HYDIN: variants seen among roughly 807,000 people sequenced by gnomAD.
HYDIN encodes the protein HYDIN axonemal central pair apparatus protein, also known as axonemal central pair apparatus protein HYDIN.
Under a neutral mutation model 403.9 loss-of-function variants are expected in HYDIN, and 132 were observed. The ratio of observed to expected loss-of-function variants is 0.33; its 90% CI spans 0.28 to 0.38. The LOEUF (loss-of-function observed/expected upper bound fraction) is 0.38. Among genes scored for constraint, HYDIN ranks in the 10% least tolerant of loss-of-function variants. HYDIN has a pLI of 1.00. For synonymous variants in HYDIN, 1,202 were observed against 1,891.7 expected (o/e 0.64, Z 9.46); for missense variants, 2,827 against 5,009.5 (o/e 0.56, Z 13.15).
intron 1 of HYDIN, among the ~76,000 whole-genome samples, chr16:71,200,505 T>A (rs1312179926): frequency 9.2e-5 from 14 of 152,186 alleles, no homozygotes; most frequent in Admixed American, 9.2e-4. Flanking sequence ...ACAGCTGAAG[T>A]CTTGCCATCT....
intron 23 of HYDIN, among the ~76,000 whole-genome samples, chr16:71,008,270 G>A (rs2079955043): frequency 6.6e-6 from 1 of 151,926 alleles, no homozygotes; most frequent in South Asian, 2.1e-4. Context: ...ATCTGCACAT[G>A]TATCCCCTGA....
chr16:70,957,379 T>G (rs1597411460), intron 39 of HYDIN, among the ~76,000 whole-genome samples: 1 of 148,000 alleles, frequency 6.8e-6, no homozygotes, highest in Non-Finnish European at 1.5e-5. Flanking sequence ...CAGGCTGGAG[T>G]GCAATGGCAC....
chr16:70,984,291 C>T (rs1803376351), intron 28 of HYDIN, among the ~76,000 whole-genome samples: 2 of 149,792 alleles, frequency 1.3e-5, no homozygotes. Context: ...ATGTGGGAGG[C>T]TAAGGTGGGA....
At chr16:70,922,008 C>G (rs2077010092) in intron 45 of HYDIN, among the ~76,000 whole-genome samples, 1 of 152,192 alleles carries the variant, frequency 6.6e-6, no homozygotes. Context: ...TGATATTATG[C>G]AAAGTCCATT....
intron 71 of HYDIN, among the ~76,000 whole-genome samples, chr16:70,859,201 T>C (rs911670421): frequency 2.0e-5 from 3 of 152,020 alleles, no homozygotes; most frequent in African/African-American, 4.8e-5. Context: ...CTCGGAAGGC[T>C]GAGTCAGGAG....
At chr16:71,061,510 G>A (rs184404459) in intron 17 of HYDIN, among the ~76,000 whole-genome samples, 1 of 152,032 alleles carries the variant, frequency 6.6e-6, no homozygotes, top group South Asian at 2.1e-4. Flanking sequence ...CTTCAACTCA[G>A]CCTAAGCAGT....
chr16:70,883,901 C>A lies in HYDIN; in HGVS notation c.9979+19G>T, dbSNP rs764382833. On this transcript the variant is annotated intron_variant, in intron 59 of 85. Coordinates refer to ENST00000393567, the MANE Select transcript of HYDIN (RefSeq NM_001270974.2). ...TGAACACCTTTTAAGTGGTGCTGTC[C>A]AATGTGAGTGGTCAGTACCTGGTAG... is the stretch of plus-strand genomic sequence containing the variant. 1.5e-5 allele frequency: 24 copies of A among 1,609,838 alleles called. No individual in the cohort carries two copies. The East Asian group carries it at 5.1e-4, about 34-fold the overall frequency.
intron 1 of HYDIN, 136 bp downstream of exon 1, chr16:71,230,426 G>A (rs2041228932): frequency 1.9e-6 from 2 of 1,041,636 alleles, no homozygotes; most frequent in Admixed American, 6.1e-5. Context: ...AGGGAAGGCT[G>A]AGGAGGGGAG....
Position 71,064,836 on chromosome 16 carries a change from C to T in HYDIN, c.2080G>A (p.Val694Ile). 6.2e-7 allele frequency: 1 copy of T among 1,607,024 alleles called. No homozygotes were observed. Among genetic ancestry groups the T allele is most frequent in the African/African-American group, 1.3e-5 (1 of 74,738 alleles). Residue 694 changes from valine to isoleucine, a missense_variant, in exon 16 of 86, where the codon GTT becomes ATT. Val to Ile is a conservative substitution (Grantham distance 29). Coordinates refer to ENST00000393567, the MANE Select transcript of HYDIN (RefSeq NM_001270974.2). ...VLALLITARC[V>I]VPALHLVNTE... ...TTGACCAGGTGGAGGGCAGGTACAA[C>T]ACACCTGCTCGGAGGAGCCCATCAC...
rs767868359 is a variant in HYDIN, at chr16:70,872,152, C to T, written c.10976G>A (p.Gly3659Glu). 3 of 1,513,790 alleles carry T rather than the reference C, an allele frequency of 2.0e-6. No homozygotes were observed. Among genetic ancestry groups the T allele is most frequent in the Middle Eastern group, 1.8e-4 (1 of 5,410 alleles). 93.8% of individuals were successfully genotyped at this position (1,513,790 alleles called of 1,614,324 possible). Residue 3659 changes from glycine (G) to glutamate (E), a missense_variant, in exon 65 of 86, where the codon GGG (glycine) becomes GAG (glutamate). Transcript: ENST00000393567. ...AAALVDHIQF[G>E]DCHIGHSYNA... ...ATAGCTGTGTCCAATGTGGCAGTCC[C>T]CAAATTGGATGTGGTCCACCAGAGC...
intron 11 of HYDIN, among the ~76,000 whole-genome samples, chr16:71,089,448 C>G (rs2083039966): frequency 6.6e-6 from 1 of 151,866 alleles, no homozygotes; most frequent in Non-Finnish European, 1.5e-5. Flanking sequence ...CCTCAACCTA[C>G]ACATAAGGCT....
At chr16:71,203,947 C>A (rs2088160225) in intron 1 of HYDIN, 1 of 368,274 alleles carries the variant, frequency 2.7e-6, no homozygotes. Context: ...CACCTTTAGT[C>A]CCGGCTACTT....
At chr16:71,222,683 C>T (rs1304192336) in intron 1 of HYDIN, among the ~76,000 whole-genome samples, 1 of 151,998 alleles carries the variant, frequency 6.6e-6, no homozygotes, top group African/African-American at 2.4e-5. Flanking sequence ...TGCTCTACAC[C>T]AACAACAACC....
chr16:70,816,163 C>T (rs1003505931), intron 84 of HYDIN, among the ~76,000 whole-genome samples: 1 of 152,088 alleles, frequency 6.6e-6, no homozygotes, highest in African/African-American at 2.4e-5. Context: ...GGATAAACAA[C>T]AACAACAACA....
intron 83 of HYDIN, among the ~76,000 whole-genome samples, chr16:70,822,733 C>G (rs1351138797): frequency 6.6e-6 from 1 of 152,158 alleles, no homozygotes; most frequent in South Asian, 2.1e-4. Flanking sequence ...CCATCAACAT[C>G]GAGGCAAGAC....
intron 7 of HYDIN, among the ~76,000 whole-genome samples, chr16:71,143,437 T>C (rs1012679442): frequency 3.9e-5 from 6 of 152,196 alleles, no homozygotes; most frequent in Admixed American, 6.5e-5. Flanking sequence ...AGAAACCTTA[T>C]CTCACTTCCC....
chr16:70,834,008 C>T lies in HYDIN; in HGVS notation c.13558G>A (p.Gly4520Ser), dbSNP rs200437208. The T allele has an allele frequency of 1.1e-5, 18 of 1,606,790 alleles. No homozygotes were observed. Among genetic ancestry groups the T allele is most frequent in the Non-Finnish European group, 1.4e-5 (17 of 1,174,708 alleles). ...GAGATCTCCAGGGCCTGGCAGCAGCCGCTAAGGAGGAAGAGGGGGCGCAGG... is the reference window on the plus strand; with the variant it reads ...GAGATCTCCAGGGCCTGGCAGCAGCTGCTAAGGAGGAAGAGGGGGCGCAGG... Reference protein sequence around the residue: ...GLLRPLFLLSGCCQALEISLD... With the variant: ...GLLRPLFLLSSCCQALEISLD... Residue 4520 changes from glycine (G) to serine (S), a missense_variant, in exon 79 of 86, where the codon GGC becomes AGC. Coordinates refer to ENST00000393567, the MANE Select transcript of HYDIN (RefSeq NM_001270974.2).
chr16:71,059,034 C>T (rs557189133), intron 18 of HYDIN, among the ~76,000 whole-genome samples: 21 of 152,144 alleles, frequency 1.4e-4, no homozygotes, highest in African/African-American at 4.6e-4. Context: ...AGAAAATATG[C>T]GTTAATCGAC....
At chr16:70,951,132 G>A (rs2078054025) in intron 41 of HYDIN, among the ~76,000 whole-genome samples, 1 of 152,072 alleles carries the variant, frequency 6.6e-6, no homozygotes, top group Non-Finnish European at 1.5e-5. Flanking sequence ...CTACTTGGGA[G>A]GCTGGGGTGG....
Sources: allele counts gnomAD v4.1 joint callset (sites outside exome capture counted in the v4.1 genomes callset), GRCh38; gene constraint gnomAD v4.1.1; transcripts MANE v1.5; gene names NCBI Gene and HGNC (gene_info 2026-07-23, HGNC 2026-07-21).